AGO3: variants seen among roughly 807,000 people sequenced by gnomAD.
AGO3 encodes protein argonaute-3.
A neutral mutation model predicts 105.5 loss-of-function variants in AGO3; 16 were observed. The ratio of observed to expected loss-of-function variants is 0.15; its 90% CI spans 0.10 to 0.23. AGO3 has a LOEUF of 0.23. Among genes scored for constraint, AGO3 ranks in the 10% least tolerant of loss-of-function variants. The probability of loss-of-function intolerance (pLI) is 1.00; values close to 1 mark genes in which losing one functional copy is unlikely to be tolerated. For missense variants in AGO3, 534 were observed against 1,088.0 expected (o/e 0.49, Z 7.16); for synonymous variants, 340 against 367.3 (o/e 0.93, Z 0.85).
chr1:36,034,365 A>T (rs764262262), intron 13 of AGO3, 32 bp downstream of exon 13: 2 of 1,507,446 alleles, frequency 1.3e-6, no homozygotes, highest in East Asian at 4.7e-5. Flanking sequence ...TGAAAATATT[A>T]TTTTTATATC....
chr1:35,931,396 C>G lies in AGO3; in HGVS notation c.-31C>G. 1 of 1,422,300 alleles carries G rather than the reference C, an allele frequency of 7.0e-7. No homozygotes were observed. Among genetic ancestry groups the G allele is most frequent in the South Asian group, 1.6e-5 (1 of 63,690 alleles). The allele number at this position is 1,422,300 out of a possible 1,614,324, so 88.1% of individuals were successfully genotyped here. A position where few individuals can be genotyped will look rare whatever the true frequency, so the allele number is the denominator to read the frequency against. On this transcript the variant is annotated 5_prime_UTR_variant, in exon 1 of 19. Transcript: ENST00000373191. ...CTTGCCGCCAGTGGCGGGCTCCGTT[C>G]TCCCTCGAAGCACTCCCCCCAGCTC...
At chr1:35,977,103 A>G (rs1646968011) in intron 5 of AGO3, among the ~76,000 whole-genome samples, 1 of 151,676 alleles carries the variant, frequency 6.6e-6, no homozygotes, top group Admixed American at 6.6e-5. Flanking sequence ...CTAAAAATAT[A>G]ATTGGATTGT....
Position 36,065,122 on chromosome 1 carries a change from A to C in AGO3, c.*9377A>C, listed in dbSNP as rs1179398482. The C allele has an allele frequency of 6.6e-6, 1 of 150,510 alleles. No homozygotes were observed. Among genetic ancestry groups the C allele is most frequent in the Admixed American group, 6.6e-5 (1 of 15,126 alleles). 9.3% of individuals were successfully genotyped at this position (150,510 alleles called of 1,614,324 possible). Reference sequence around the variant, plus strand: ...GCGGAGGTTGCAGTGAGCCAAGATCACACCACTGCACTCCAGCCTGGGCGA... The same window carrying C: ...GCGGAGGTTGCAGTGAGCCAAGATCCCACCACTGCACTCCAGCCTGGGCGA... On this transcript the variant is annotated 3_prime_UTR_variant, in exon 19 of 19. Transcript: ENST00000373191.
intron 17 of AGO3, among the ~76,000 whole-genome samples, 156 bp from the exon 18 acceptor site, chr1:36,054,790 T>A (rs385621): frequency 6.6e-6 from 1 of 152,116 alleles, no homozygotes; most frequent in East Asian, 1.9e-4. Context: ...GCAGAGGCAC[T>A]AGAATCTTTT....
intron 12 of AGO3, among the ~76,000 whole-genome samples, chr1:36,032,763 G>A (rs1374320787): frequency 1.3e-5 from 2 of 152,216 alleles, no homozygotes; most frequent in African/African-American, 4.8e-5. Flanking sequence ...GCCAAGACGG[G>A]TGGATCACTT....
In AGO3 at chr1:36,019,760, G is replaced by GTGTTTGTT. The variant is rs375343888; in HGVS notation, c.1406+5730_1406+5737dup. 1.9e-3 allele frequency among the ~76,000 whole-genome samples: 289 copies of GTGTTTGTT among 152,092 alleles called. 1 individual carries two copies. The highest frequency in any genetic ancestry group is 6.6e-3 in the African/African-American group (272 of 41,472). Reference sequence around the variant, plus strand: ...GTCACAACACCAATATATATGTAAGGTGTTTGTTTGTTTGTTTGTTTGTTT... The same window carrying GTGTTTGTT: ...GTCACAACACCAATATATATGTAAGGTGTTTGTTTGTTTGTTTGTTTGTTTGTTTGTTT... On this transcript the variant is annotated intron_variant, in intron 11 of 18. Transcript: ENST00000373191.
At chr1:35,979,687 T>C (rs1647017195) in intron 5 of AGO3, among the ~76,000 whole-genome samples, 1 of 152,214 alleles carries the variant, frequency 6.6e-6, no homozygotes, top group Non-Finnish European at 1.5e-5. Flanking sequence ...TATATATTCA[T>C]ATCTGTTTTC....
rs554895190 is a variant in AGO3, at chr1:35,944,803, C to T, written c.20-889C>T. On this transcript the variant is annotated intron_variant, in intron 1 of 18. Transcript: ENST00000373191. The stretch of plus-strand genomic sequence containing the variant: ...GCAGACGTGAGGCACTGCACCCAGC[C>T]CACTTATCTTTTTTTGTTTTTTTGT... Among the ~76,000 whole-genome samples the T allele has an allele frequency of 4.0e-5, 6 of 151,862 alleles. No individual in the cohort carries two copies. The East Asian group carries it at 1.2e-3, about 29-fold the overall frequency.
chr1:36,055,569 G>A lies in AGO3; in HGVS notation c.2475-68G>A. On this transcript the variant is annotated intron_variant, in intron 18 of 18. Coordinates refer to ENST00000373191, the MANE Select transcript of AGO3 (RefSeq NM_024852.4). The surrounding 1 kb of genome is among the most constrained non-coding windows in gnomAD (Gnocchi z 4.4). ...ATTTTGAAATTTTCTACAACAAATA[G>A]TATTTTTCGGAATTATTACATCAGA... 7.1e-7 allele frequency: 1 copy of A among 1,413,410 alleles called. No individual in the cohort carries two copies. The highest frequency in any genetic ancestry group is 1.0e-6 in the Non-Finnish European group (1 of 1,002,952). 87.6% of individuals were successfully genotyped at this position (1,413,410 alleles called of 1,614,324 possible).
At chr1:36,052,235 A>T (rs1396169223) in intron 17 of AGO3, among the ~76,000 whole-genome samples, 3 of 152,230 alleles carry the variant, frequency 2.0e-5, no homozygotes, top group Non-Finnish European at 4.4e-5. Flanking sequence ...AGCCACAAAA[A>T]AAGAATGAAA....
chr1:35,969,126 A>G (rs1461304820), intron 3 of AGO3, among the ~76,000 whole-genome samples: 3 of 152,038 alleles, frequency 2.0e-5, no homozygotes, highest in African/African-American at 4.8e-5. Context: ...AGTGAGTTGT[A>G]GGAGTTCTTT....
chr1:35,973,404 C>T lies in AGO3; in HGVS notation c.551C>T (p.Ser184Phe). 1 of 1,584,222 alleles carries T rather than the reference C, an allele frequency of 6.3e-7. No individual in the cohort carries two copies. Among genetic ancestry groups the T allele is most frequent in the East Asian group, 2.3e-5 (1 of 43,984 alleles). The change falls in exon 5 of 19, where the codon TCC becomes TTC. Residue 184 changes from serine to phenylalanine, a missense_variant. Transcript: ENST00000373191. ...ACACCTGTGGGGCGTTCATTTTTCT[C>T]CGCTCCAGAAGGATATGACCACCCT... ...KYTPVGRSFFSAPEGYDHPLG... is the reference protein window; with the variant it reads ...KYTPVGRSFFFAPEGYDHPLG...
chr1:36,014,771 CAAA>C (rs58580607), intron 11 of AGO3, among the ~76,000 whole-genome samples: 5 of 58,572 alleles, frequency 8.5e-5, no homozygotes, highest in Admixed American at 4.5e-4. Flanking sequence ...ACTCTGTCTC[CAAA>C]AAAAAAAAAA....
Position 36,064,730 on chromosome 1 carries a change from T to C in AGO3, c.*8985T>C, listed in dbSNP as rs1337786191. 1 of 152,272 alleles carries C rather than the reference T, an allele frequency of 6.6e-6. No individual in the cohort carries two copies. Among genetic ancestry groups the C allele is most frequent in the African/African-American group, 2.4e-5 (1 of 41,472 alleles). The allele number at this position is 152,272 out of a possible 1,614,324, so 9.4% of individuals were successfully genotyped here. Reference sequence around the variant, plus strand: ...AGAGATTAGCCATTTCATTTCTTTTTGCATTTTTGCCAGTTACATTAGTTT... The same window carrying C: ...AGAGATTAGCCATTTCATTTCTTTTCGCATTTTTGCCAGTTACATTAGTTT... On this transcript the variant is annotated 3_prime_UTR_variant, in exon 19 of 19. Coordinates refer to ENST00000373191, the MANE Select transcript of AGO3 (RefSeq NM_024852.4).
intron 5 of AGO3, among the ~76,000 whole-genome samples, chr1:36,003,694 C>CAAAAAAAAAAAAA (rs1209511459): frequency 5.6e-5 from 3 of 53,470 alleles, no homozygotes; most frequent in African/African-American, 2.3e-4. Flanking sequence ...AAGTCTGTCT[C>CAAAAAAAAAAAAA]AAAAAAAAAA....
intron 2 of AGO3, among the ~76,000 whole-genome samples, chr1:35,962,596 G>C (rs1364937959): frequency 1.3e-5 from 2 of 150,668 alleles, no homozygotes; most frequent in African/African-American, 4.9e-5. Context: ...CACAAGAACA[G>C]ACAAACAGAA....
chr1:35,975,006 G>A (rs1489072577), intron 5 of AGO3, among the ~76,000 whole-genome samples: 1 of 151,924 alleles, frequency 6.6e-6, no homozygotes, highest in Admixed American at 6.6e-5. Flanking sequence ...TTGAGGAGGG[G>A]ATATATTTAA....
chr1:36,053,512 C>T (rs1049856369), intron 17 of AGO3, among the ~76,000 whole-genome samples: 18 of 152,014 alleles, frequency 1.2e-4, no homozygotes, highest in African/African-American at 4.1e-4. Flanking sequence ...AACTCTTGTT[C>T]GATCCACCTA....
At chr1:35,989,501 TGAA>T (rs1254413612) in intron 5 of AGO3, among the ~76,000 whole-genome samples, 1 of 152,212 alleles carries the variant, frequency 6.6e-6, no homozygotes, top group Non-Finnish European at 1.5e-5. Flanking sequence ...TTTGATGAAA[TGAA>T]GAATATTTCT....
Sources: allele counts gnomAD v4.1 joint callset (sites outside exome capture counted in the v4.1 genomes callset), GRCh38; gene constraint gnomAD v4.1.1; non-coding constraint Gnocchi (gnomAD v3.1); transcripts MANE v1.5; gene names NCBI Gene and HGNC (gene_info 2026-07-23, HGNC 2026-07-21).